Variants in KAT14 observed in about 807,000 individuals in gnomAD.
KAT14 encodes cysteine-rich protein 2-binding protein.
Under a neutral mutation model 78.4 loss-of-function variants are expected in KAT14, and 66 were observed. The ratio of observed to expected loss-of-function variants is 0.84; its 90% CI spans 0.69 to 1.03. The LOEUF is 1.03. Among genes scored for constraint, KAT14 ranks in the 50% least tolerant of loss-of-function variants. KAT14 has a pLI of 0.00. For missense variants in KAT14, 870 were observed against 972.5 expected, an observed-to-expected ratio of 0.89 and a Z score of 1.40; for synonymous variants, 344 against 359.4, an observed-to-expected ratio of 0.96 and a Z score of 0.48.
rs1568669506 is a variant in KAT14, at chr20:18,164,611, CTTGTTCTTT to C, written c.1668+1669_1668+1677del. Among the ~76,000 whole-genome samples the C allele has an allele frequency of 7.3e-4, 31 of 42,488 alleles. 1 individual carries two copies. The highest frequency in any genetic ancestry group is 7.3e-4 in the Non-Finnish European group (13 of 17,928). The allele number at this position is 42,488 out of a possible 152,430, so 27.9% of individuals were successfully genotyped here. On this transcript the variant is annotated intron_variant, in intron 7 of 10. Coordinates refer to ENST00000688188, the MANE Select transcript of KAT14 (RefSeq NM_001392073.1). Reference sequence around the variant, plus strand: ...TTTGTTAGTCATCTATTCACTTGTTCTTGTTCTTTTTTTTTTTTTTTTTGAGACATGGTC... The same window carrying C: ...TTTGTTAGTCATCTATTCACTTGTTCTTTTTTTTTTTTTTGAGACATGGTC...
intron 7 of KAT14, among the ~76,000 whole-genome samples, chr20:18,174,070 A>G (rs1449696437): frequency 1.3e-5 from 2 of 152,212 alleles, no homozygotes; most frequent in African/African-American, 2.4e-5. Context: ...ATGGAGTCAT[A>G]TAATATGTGG....
chr20:18,150,642 G>A (rs1018533284), intron 3 of KAT14, among the ~76,000 whole-genome samples, 179 bp from the exon 4 acceptor site: 5 of 152,122 alleles, frequency 3.3e-5, no homozygotes, highest in South Asian at 2.1e-4. Flanking sequence ...ATAATCTAAC[G>A]AAAGTAAAAA....
intron 4 of KAT14, among the ~76,000 whole-genome samples, chr20:18,154,609 C>T (rs561962992): frequency 8.2e-6 from 1 of 122,186 alleles, no homozygotes; most frequent in African/African-American, 3.2e-5. Context: ...GCAAATGCTT[C>T]CTATCTGCCA....
chr20:18,159,414 T>C (rs2038340296), intron 5 of KAT14, 149 bp downstream of exon 5: 2 of 828,006 alleles, frequency 2.4e-6, no homozygotes, highest in Non-Finnish European at 1.8e-6. Flanking sequence ...CACTTGTGTG[T>C]GTGCTAGAAA....
chr20:18,154,336 G>A (rs1311170589), intron 4 of KAT14, among the ~76,000 whole-genome samples: 4 of 151,976 alleles, frequency 2.6e-5, no homozygotes, highest in African/African-American at 7.2e-5. Context: ...TTTTTGAGAC[G>A]GAGTCCTGCT....
At chr20:18,153,946 G>A (rs2038137089) in intron 4 of KAT14, among the ~76,000 whole-genome samples, 1 of 152,216 alleles carries the variant, frequency 6.6e-6, no homozygotes, top group Admixed American at 6.5e-5. Flanking sequence ...TTCTTTTCCA[G>A]TCAAAAAGGG....
chr20:18,187,156 G>A (rs757628810), intron 10 of KAT14, 130 bp from the exon 11 acceptor site: 4 of 1,223,014 alleles, frequency 3.3e-6, no homozygotes, highest in African/African-American at 3.1e-5. Flanking sequence ...GTGTTGCAAT[G>A]TCTCAGCCTC....
rs1330386366 is a variant in KAT14 at position 18,162,444 on chromosome 20, G to A, written c.1167G>A (p.Gly389=). 1.2e-6 allele frequency: 2 copies of A among 1,614,136 alleles called. No homozygotes were observed. Among genetic ancestry groups the A allele is most frequent in the Non-Finnish European group, 8.5e-7 (1 of 1,180,030 alleles). ...PGMEYVPPPA[G]SVASGPVVGV... The stretch of plus-strand genomic sequence containing the variant: ...TGGAGTACGTCCCACCCCCTGCTGG[G>A]TCAGTAGCTTCTGGGCCAGTGGTTG... The change falls in exon 7 of 11, where the codon GGG becomes GGA. Residue 389 remains glycine, a synonymous_variant. Transcript: ENST00000688188.
At chr20:18,185,911 A>C (rs2039433950) in intron 10 of KAT14, among the ~76,000 whole-genome samples, 1 of 152,200 alleles carries the variant, frequency 6.6e-6, no homozygotes, top group Non-Finnish European at 1.5e-5. Context: ...TCACTCACTG[A>C]GTAATTAATA....
chr20:18,143,508 C>T (rs2037672026), intron 2 of KAT14, among the ~76,000 whole-genome samples: 1 of 151,472 alleles, frequency 6.6e-6, no homozygotes, highest in African/African-American at 2.4e-5. Context: ...CTTTTGTTGC[C>T]CAGGCTAGAG....
chr20:18,169,616 G>A (rs1054431182), intron 7 of KAT14, among the ~76,000 whole-genome samples: 9 of 152,142 alleles, frequency 5.9e-5, no homozygotes, highest in African/African-American at 1.9e-4. Flanking sequence ...TCTCCTTGGG[G>A]CTCCCTGTTC....
rs1003537898 is a variant in KAT14, at chr20:18,183,306, C to T, written c.1981+8C>T. On this transcript the variant is annotated splice_region_variant and intron_variant, in intron 9 of 10. Transcript: ENST00000688188. ...AGGAGTTTTTTTGGCCTGGTATGTTCCCCCTCCCAAACCAGGCAGGTCATT... is the reference window on the plus strand; with the variant it reads ...AGGAGTTTTTTTGGCCTGGTATGTTTCCCCTCCCAAACCAGGCAGGTCATT... The T allele has an allele frequency of 6.2e-7, 1 of 1,609,622 alleles. No homozygotes were observed. Among genetic ancestry groups the T allele is most frequent in the Non-Finnish European group, 8.5e-7 (1 of 1,177,046 alleles).
chr20:18,137,892 A>G lies in KAT14; in HGVS notation c.-613A>G. The G allele has an allele frequency of 1.4e-6, 2 of 1,420,760 alleles. No individual in the cohort carries two copies. Among genetic ancestry groups the G allele is most frequent in the South Asian group, 1.4e-5 (1 of 71,352 alleles). The allele number at this position is 1,420,760 out of a possible 1,614,324, so 88.0% of individuals were successfully genotyped here. A position where few individuals can be genotyped will look rare whatever the true frequency, so the allele number is the denominator to read the frequency against. ...CTGGGCAGTACAGGCGGCGGTGCGCACTCTGCGGCGGCCTCTGCGCCTCGG... is the reference window on the plus strand; with the variant it reads ...CTGGGCAGTACAGGCGGCGGTGCGCGCTCTGCGGCGGCCTCTGCGCCTCGG... On this transcript the variant is annotated 5_prime_UTR_variant, in exon 1 of 11. Transcript: ENST00000688188.
intron 4 of KAT14, among the ~76,000 whole-genome samples, chr20:18,151,742 G>T (rs1442263844): frequency 2.0e-5 from 3 of 151,696 alleles, no homozygotes; most frequent in African/African-American, 7.3e-5. Flanking sequence ...AGTGGCTCAT[G>T]CCTGTAATCC....
chr20:18,182,651 A>G (rs140599492), intron 8 of KAT14, among the ~76,000 whole-genome samples: 9 of 152,244 alleles, frequency 5.9e-5, no homozygotes, highest in East Asian at 3.9e-4. Context: ...TTGCACTACA[A>G]TTGCCCTGCA....
In KAT14 at chr20:18,138,018, C is replaced by A. The variant is rs184370918; in HGVS notation, c.-487C>A. On this transcript the variant is annotated 5_prime_UTR_variant, in exon 1 of 11. Transcript: ENST00000688188. Reference sequence around the variant, plus strand: ...TGCTGCTGACGGCGGCCACAGTGGCCGGCGTACATGTGAAGCAGCAGTGGG... The same window carrying A: ...TGCTGCTGACGGCGGCCACAGTGGCAGGCGTACATGTGAAGCAGCAGTGGG... The A allele has an allele frequency of 4.0e-6, 6 of 1,498,002 alleles. No homozygotes were observed. The highest frequency in any genetic ancestry group is 5.3e-6 in the Non-Finnish European group (6 of 1,130,184). 92.8% of individuals were successfully genotyped at this position (1,498,002 alleles called of 1,614,324 possible).
At chr20:18,167,351 T>G (rs1321342851) in intron 7 of KAT14, among the ~76,000 whole-genome samples, 1 of 152,224 alleles carries the variant, frequency 6.6e-6, no homozygotes, top group Non-Finnish European at 1.5e-5. Context: ...ACTGTTCTAA[T>G]TAAGTCAGCT....
chr20:18,146,348 C>T (rs1313256755), intron 3 of KAT14, among the ~76,000 whole-genome samples: 3 of 151,640 alleles, frequency 2.0e-5, no homozygotes, highest in Non-Finnish European at 2.9e-5. Flanking sequence ...GCCTGGGCAA[C>T]GTGGTGAAAC....
rs200258495 is a variant in KAT14, at chr20:18,181,822, C to G, written c.1781C>G (p.Ser594Cys). 2 of 1,614,112 alleles carry G rather than the reference C, an allele frequency of 1.2e-6. No individual in the cohort carries two copies. Among genetic ancestry groups the G allele is most frequent in the Non-Finnish European group, 1.7e-6 (2 of 1,180,006 alleles). Residue 594 changes from serine (S) to cysteine (C), a missense_variant, in exon 8 of 11, where the codon TCT becomes TGT. By Grantham distance (112) the Ser-to-Cys change is moderately radical. Transcript: ENST00000688188. ...VDQSIVSPYT[S>C]RILKPYIRRD... is the part of the protein sequence containing the mutation. ...CAGAGTATTGTCAGCCCTTATACCT[C>G]TCGGATCTTGAAACCTTATATCAGG...
Sources: allele counts gnomAD v4.1 joint callset (sites outside exome capture counted in the v4.1 genomes callset), GRCh38; gene constraint gnomAD v4.1.1; transcripts MANE v1.5; gene names NCBI Gene and HGNC (gene_info 2026-07-23, HGNC 2026-07-21).